Variants in ATP6V1C1 observed in about 807,000 individuals in gnomAD.
ATP6V1C1 encodes the protein ATPase H+ transporting V1 subunit C1, also known as V-type proton ATPase subunit C 1.
In ATP6V1C1, 45 loss-of-function variants were observed where a neutral mutation model predicts 53.9. The observed-to-expected ratio is 0.83, with a 90% CI of 0.66 to 1.07. The LOEUF is 1.07. Among genes scored for constraint, ATP6V1C1 ranks in the 50% least tolerant of loss-of-function variants. The pLI, the probability that ATP6V1C1 is intolerant of heterozygous loss-of-function variation, is 0.00. For missense variants in ATP6V1C1, 315 were observed against 440.3 expected (o/e 0.72, Z 2.55); for synonymous variants, 153 against 155.2 (o/e 0.99, Z 0.11).
At chr8:103,049,678 T>G (rs1006014645) in intron 4 of ATP6V1C1, among the ~76,000 whole-genome samples, 1 of 152,214 alleles carries the variant, frequency 6.6e-6, no homozygotes, top group Non-Finnish European at 1.5e-5. Flanking sequence ...GGCTCATGCC[T>G]GTAATCCCAG....
At chr8:103,052,449 C>G (rs1217959807) in intron 5 of ATP6V1C1, among the ~76,000 whole-genome samples, 1 of 151,976 alleles carries the variant, frequency 6.6e-6, no homozygotes, top group Non-Finnish European at 1.5e-5. Context: ...AACCCAGTGG[C>G]CTAGATTCCA....
chr8:103,054,716 G>C lies in ATP6V1C1; in HGVS notation c.572+734G>C, dbSNP rs554113501. 3.9e-5 allele frequency among the ~76,000 whole-genome samples: 6 copies of C among 152,200 alleles called. No individual in the cohort carries two copies. The South Asian group carries it at 1.0e-3, about 26-fold the overall frequency. On this transcript the variant is annotated intron_variant, in intron 7 of 12. Transcript: ENST00000518738. ...GTACTTGTAGGAAGACCTGGACTTTGTGTGTGTCTGTGTAGCACTATTAAT... is the reference window on the plus strand; with the variant it reads ...GTACTTGTAGGAAGACCTGGACTTTCTGTGTGTCTGTGTAGCACTATTAAT...
At chr8:103,039,704 CT>C (rs1341473757) in intron 1 of ATP6V1C1, among the ~76,000 whole-genome samples, 1 of 151,956 alleles carries the variant, frequency 6.6e-6, no homozygotes, top group African/African-American at 2.4e-5. Context: ...TGTCTCTGTA[CT>C]TTTTTCCCCC....
chr8:103,053,748 A>G, intron 6 of ATP6V1C1, 136 bp from the exon 7 acceptor site: 1 of 624,636 alleles, frequency 1.6e-6, no homozygotes. Context: ...GACTTCTTAC[A>G]AAGTAAAAAT....
intron 1 of ATP6V1C1, among the ~76,000 whole-genome samples, chr8:103,037,786 A>T (rs74717702): frequency 1.9e-3 from 287 of 152,338 alleles, no homozygotes; most frequent in African/African-American, 6.6e-3. Context: ...TTTAGCAAGT[A>T]TGAATATTTT....
chr8:103,037,344 TAAA>T (rs1816916668), intron 1 of ATP6V1C1, among the ~76,000 whole-genome samples: 1 of 151,846 alleles, frequency 6.6e-6, no homozygotes, highest in African/African-American at 2.4e-5. Context: ...TTTTTAAAAA[TAAA>T]AATAATTAAA....
chr8:103,042,003 AGACCCTCTAGCGCACATCC>A, intron 2 of ATP6V1C1, among the ~76,000 whole-genome samples: 5 of 152,246 alleles, frequency 3.3e-5, no homozygotes, highest in African/African-American at 1.2e-4. Context: ...ATTTAATTAC[AGACCCTCTAGCGCACATCC>A]GTGGACCTCC....
At chr8:103,062,632 G>C (rs180828935) in intron 8 of ATP6V1C1, among the ~76,000 whole-genome samples, 2 of 152,346 alleles carry the variant, frequency 1.3e-5, no homozygotes, top group Non-Finnish European at 2.9e-5. Context: ...GCTTATCAAG[G>C]AGACACTGGA....
rs1349757060 is a variant in ATP6V1C1, at chr8:103,024,972, T to C, written c.-40+3747T>C. 2.0e-5 allele frequency among the ~76,000 whole-genome samples: 3 copies of C among 152,148 alleles called. No individual in the cohort carries two copies. In the East Asian group the frequency reaches 5.8e-4, roughly 29 times the overall value. ...TTATTGAGTTAAAAAATGAGCCAGG[T>C]AGGCAGTGGAGGAGAAGTGCTTTGG... is the stretch of plus-strand genomic sequence containing the variant. On this transcript the variant is annotated intron_variant, in intron 1 of 12. Coordinates refer to ENST00000518738, the MANE Select transcript of ATP6V1C1 (RefSeq NM_001695.5).
At chr8:103,057,361 A>G (rs1395569464) in intron 8 of ATP6V1C1, among the ~76,000 whole-genome samples, 1 of 152,238 alleles carries the variant, frequency 6.6e-6, no homozygotes, top group Non-Finnish European at 1.5e-5. Flanking sequence ...GCAGAAGGCA[A>G]CTAATCAGAG....
At chr8:103,047,961 T>C (rs986317037) in intron 3 of ATP6V1C1, among the ~76,000 whole-genome samples, 7 of 152,208 alleles carry the variant, frequency 4.6e-5, no homozygotes, top group African/African-American at 1.7e-4. Context: ...AATTTATATA[T>C]TTTTGGATCT....
intron 3 of ATP6V1C1, among the ~76,000 whole-genome samples, chr8:103,045,700 G>A (rs775911305): frequency 2.6e-5 from 4 of 152,148 alleles, no homozygotes; most frequent in Non-Finnish European, 5.9e-5. Context: ...CCAGCACTTT[G>A]GGAGGCCAAG....
intron 1 of ATP6V1C1, among the ~76,000 whole-genome samples, chr8:103,023,516 A>G (rs1382417934): frequency 6.6e-6 from 1 of 152,102 alleles, no homozygotes; most frequent in East Asian, 1.9e-4. Flanking sequence ...GGGTAGTCGT[A>G]ACTACCCTCG....
intron 4 of ATP6V1C1, among the ~76,000 whole-genome samples, chr8:103,050,839 T>C (rs1278243179): frequency 1.3e-5 from 2 of 152,182 alleles, no homozygotes; most frequent in Non-Finnish European, 2.9e-5. Context: ...TTAATATGTA[T>C]TAAAGTTTGA....
intron 8 of ATP6V1C1, among the ~76,000 whole-genome samples, chr8:103,057,230 G>T (rs924923260): frequency 7.9e-5 from 12 of 152,214 alleles, no homozygotes; most frequent in Admixed American, 3.9e-4. Context: ...GCCACTTCAT[G>T]CTCACCTCAT....
At chr8:103,060,031 G>C (rs1184536844) in intron 8 of ATP6V1C1, among the ~76,000 whole-genome samples, 1 of 148,168 alleles carries the variant, frequency 6.7e-6, no homozygotes, top group Admixed American at 6.7e-5. Flanking sequence ...GCAGAGGTGT[G>C]ATCTTGGCTC....
chr8:103,025,954 C>T (rs375377397), intron 1 of ATP6V1C1, among the ~76,000 whole-genome samples: 3 of 152,272 alleles, frequency 2.0e-5, no homozygotes, highest in South Asian at 2.1e-4. Flanking sequence ...AATGTGGTAC[C>T]GTGGTCCAGT....
chr8:103,060,343 T>C, intron 8 of ATP6V1C1, among the ~76,000 whole-genome samples: 1 of 152,182 alleles, frequency 6.6e-6, no homozygotes, highest in East Asian at 1.9e-4. Context: ...GCATATGGGG[T>C]TCTGTCTGGA....
At chr8:103,036,723 G>C (rs1463570559) in intron 1 of ATP6V1C1, among the ~76,000 whole-genome samples, 3 of 152,136 alleles carry the variant, frequency 2.0e-5, no homozygotes, top group Non-Finnish European at 4.4e-5. Flanking sequence ...CCTGTTAGAA[G>C]AAAAGATTTT....
Sources: allele counts gnomAD v4.1 joint callset (sites outside exome capture counted in the v4.1 genomes callset), GRCh38; gene constraint gnomAD v4.1.1; transcripts MANE v1.5; gene names NCBI Gene and HGNC (gene_info 2026-07-23, HGNC 2026-07-21).